CENPP: variants seen among roughly 807,000 people sequenced by gnomAD.
CENPP encodes the protein centromere protein P.
CENPP carries 24 observed loss-of-function variants against 35.6 expected under a neutral mutation model. That is an observed-to-expected ratio of 0.67 (90% CI 0.49 to 0.95). The LOEUF (loss-of-function observed/expected upper bound fraction) is 0.95. Among genes scored for constraint, CENPP ranks in the 40% least tolerant of loss-of-function variants. CENPP has a pLI of 0.00. For synonymous variants in CENPP, 120 were observed against 125.5 expected, an observed-to-expected ratio of 0.96 and a Z score of 0.29; for missense variants, 332 against 345.3, an observed-to-expected ratio of 0.96 and a Z score of 0.31.
chr9:92,424,836 G>A (rs1242497848), intron 5 of CENPP, among the ~76,000 whole-genome samples: 3 of 152,028 alleles, frequency 2.0e-5, no homozygotes, highest in Non-Finnish European at 2.9e-5. Flanking sequence ...CACCATGCCT[G>A]GCTAATTTCT....
intron 5 of CENPP, among the ~76,000 whole-genome samples, chr9:92,581,906 G>A (rs1242169696): frequency 6.6e-6 from 1 of 152,160 alleles, no homozygotes; most frequent in Non-Finnish European, 1.5e-5. Context: ...GTGTTCAAGA[G>A]GAGGACTGAG....
rs934867308 is a variant in CENPP at position 92,617,053 on chromosome 9, A to G, written c.*3904A>G. On this transcript the variant is annotated 3_prime_UTR_variant, in exon 8 of 8. Coordinates refer to ENST00000375587, the MANE Select transcript of CENPP (RefSeq NM_001012267.3). ...CCTGCCCCAGAATCCTGTTTGTAGAAAAAACAAATCCCTGACTAAGCTGCT... is the reference window on the plus strand; with the variant it reads ...CCTGCCCCAGAATCCTGTTTGTAGAGAAAACAAATCCCTGACTAAGCTGCT... The G allele has an allele frequency of 6.6e-6, 1 of 152,254 alleles. No individual in the cohort carries two copies. Among genetic ancestry groups the G allele is most frequent in the Admixed American group, 6.5e-5 (1 of 15,276 alleles). 9.4% of individuals were successfully genotyped at this position (152,254 alleles called of 1,614,324 possible).
chr9:92,339,384 A>G (rs1343770422), intron 3 of CENPP, among the ~76,000 whole-genome samples: 1 of 152,106 alleles, frequency 6.6e-6, no homozygotes, highest in Non-Finnish European at 1.5e-5. Flanking sequence ...AGGATTTGGT[A>G]CAGTTACCTG....
intron 5 of CENPP, among the ~76,000 whole-genome samples, chr9:92,450,014 G>A (rs1844661179): frequency 6.6e-6 from 1 of 152,134 alleles, no homozygotes; most frequent in South Asian, 2.1e-4. Context: ...AAGGAGAATT[G>A]TTAGGTCAGC....
At position 92,476,756 on chromosome 9, in the gene CENPP, G is replaced by A. The variant is rs1845727358; in HGVS notation, c.564+96897G>A. Among the ~76,000 whole-genome samples, 1 of 152,170 alleles carries A rather than the reference G, an allele frequency of 6.6e-6. No homozygotes were observed. The highest frequency in any genetic ancestry group is 1.5e-5 in the Non-Finnish European group (1 of 68,036). Reference sequence around the variant, plus strand: ...TAGACTCATCCCTCATAGGAAATGAGGCGTAAAGAGCTTAAGTGACTTGCC... The same window carrying A: ...TAGACTCATCCCTCATAGGAAATGAAGCGTAAAGAGCTTAAGTGACTTGCC... On this transcript the variant is annotated intron_variant, in intron 5 of 7. Coordinates refer to ENST00000375587, the MANE Select transcript of CENPP (RefSeq NM_001012267.3). This position sits in a 1 kb window ranked among gnomAD's most constrained non-coding sequence, Gnocchi z 4.1.
chr9:92,376,807 A>C (rs1842134911), intron 4 of CENPP, among the ~76,000 whole-genome samples: 4 of 151,946 alleles, frequency 2.6e-5, no homozygotes, highest in African/African-American at 9.7e-5. Flanking sequence ...TTGGGAGGCC[A>C]AGGTGGGCAG....
chr9:92,426,616 C>T (rs1302256877), intron 5 of CENPP, among the ~76,000 whole-genome samples: 8 of 152,122 alleles, frequency 5.3e-5, no homozygotes, highest in African/African-American at 1.7e-4. Context: ...TACGGGTCAA[C>T]AGTTCAGGCA....
chr9:92,326,365 C>T (rs1840504803), intron 1 of CENPP, among the ~76,000 whole-genome samples: 1 of 152,200 alleles, frequency 6.6e-6, no homozygotes, highest in African/African-American at 2.4e-5. Flanking sequence ...TTGACTATAT[C>T]CCTAGCTAGA....
At chr9:92,408,244 G>A (rs1843358867) in intron 5 of CENPP, among the ~76,000 whole-genome samples, 1 of 152,158 alleles carries the variant, frequency 6.6e-6, no homozygotes, top group Admixed American at 6.5e-5. Flanking sequence ...GGAGTGCAGT[G>A]GTGCGATCTC....
chr9:92,615,889 C>T lies in CENPP; in HGVS notation c.*2740C>T, dbSNP rs962398166. 14 of 1,614,084 alleles carry T rather than the reference C, an allele frequency of 8.7e-6. No individual in the cohort carries two copies. Among genetic ancestry groups the T allele is most frequent in the Non-Finnish European group, 1.2e-5 (14 of 1,180,048 alleles). On this transcript the variant is annotated 3_prime_UTR_variant, in exon 8 of 8. Transcript: ENST00000375587. ...CGCTTTCCTTGAACCGAGTCGACAT[C>T]ACGGCGTTGTCTTTGGCACGTACAG...
At chr9:92,547,287 T>C (rs1849488517) in intron 5 of CENPP, among the ~76,000 whole-genome samples, 1 of 152,196 alleles carries the variant, frequency 6.6e-6, no homozygotes, top group Admixed American at 6.5e-5. Flanking sequence ...AACAACATGC[T>C]TCAACTACTA....
chr9:92,482,395 G>A (rs1845942821), intron 5 of CENPP: 1 of 152,100 alleles, frequency 6.6e-6, no homozygotes, highest in African/African-American at 2.4e-5. Context: ...GAAAAGATGA[G>A]GAGGTATTAC....
At chr9:92,543,935 G>C (rs925773249) in intron 5 of CENPP, among the ~76,000 whole-genome samples, 2 of 151,986 alleles carry the variant, frequency 1.3e-5, no homozygotes, top group African/African-American at 4.8e-5. Context: ...GCAGTTTTTT[G>C]GTGCAGTCTT....
intron 5 of CENPP, among the ~76,000 whole-genome samples, chr9:92,584,631 C>T (rs1334541084): frequency 2.6e-5 from 4 of 152,218 alleles, no homozygotes; most frequent in South Asian, 2.1e-4. Flanking sequence ...GCTGTAAGTT[C>T]GTTTTAACCA....
chr9:92,455,505 G>T (rs1172925871), intron 5 of CENPP, among the ~76,000 whole-genome samples: 1 of 152,068 alleles, frequency 6.6e-6, no homozygotes, highest in Non-Finnish European at 1.5e-5. Flanking sequence ...AGCCCCTGCC[G>T]CAAAGAATGA....
At chr9:92,460,738 G>C (rs190661521) in intron 5 of CENPP, among the ~76,000 whole-genome samples, 1 of 152,094 alleles carries the variant, frequency 6.6e-6, no homozygotes, top group African/African-American at 2.4e-5. Context: ...GTGCAGTGCC[G>C]TGATATCAGC....
intron 5 of CENPP, chr9:92,403,498 C>T: frequency 6.7e-7 from 1 of 1,489,164 alleles, no homozygotes; most frequent in Non-Finnish European, 8.9e-7. Context: ...AATAAAAATT[C>T]AGACCATCGA....
intron 5 of CENPP, among the ~76,000 whole-genome samples, chr9:92,443,493 T>A (rs1156885704): frequency 6.6e-6 from 1 of 152,098 alleles, no homozygotes; most frequent in Non-Finnish European, 1.5e-5. Context: ...ATGCCAGTTC[T>A]CTCCAAAATG....
At chr9:92,357,011 A>T (rs1841606310) in intron 4 of CENPP, among the ~76,000 whole-genome samples, 1 of 152,218 alleles carries the variant, frequency 6.6e-6, no homozygotes. Context: ...TTAGTTTTTT[A>T]AATTACATAG....
Sources: gnomAD v4.1 joint callset for allele counts (sites outside exome capture counted in the v4.1 genomes callset) on GRCh38, gnomAD v4.1.1 for gene constraint, Gnocchi (gnomAD v3.1) non-coding constraint, MANE v1.5 for transcripts, NCBI Gene and HGNC (gene_info 2026-07-23, HGNC 2026-07-21) for gene names.